TCERG1L: variants seen among roughly 807,000 people sequenced by gnomAD.
TCERG1L encodes the protein transcription elongation regulator 1 like.
A neutral mutation model predicts 56.3 loss-of-function variants in TCERG1L; 37 were observed. The observed-to-expected ratio is 0.66, with a 90% CI of 0.51 to 0.87. The LOEUF (loss-of-function observed/expected upper bound fraction) is 0.87, where lower values mean the gene tolerates loss of function less well. Among genes scored for constraint, TCERG1L ranks in the 40% least tolerant of loss-of-function variants. TCERG1L has a pLI of 0.00. For missense variants in TCERG1L, 799 were observed against 774.2 expected (o/e 1.03, Z -0.38); for synonymous variants, 324 against 326.3 (o/e 0.99, Z 0.08).
chr10:131,140,675 C>T (rs1022631620), intron 7 of TCERG1L, among the ~76,000 whole-genome samples: 1 of 152,228 alleles, frequency 6.6e-6, no homozygotes. Context: ...CAGAGAGCAC[C>T]TTGCAGGGAC....
intron 4 of TCERG1L, among the ~76,000 whole-genome samples, chr10:131,242,277 G>A (rs190968093): frequency 6.6e-6 from 1 of 152,300 alleles, no homozygotes; most frequent in East Asian, 1.9e-4. Flanking sequence ...TGGATGCTGT[G>A]AGGAGTGAGG....
At chr10:131,210,616 T>C (rs575915444) in intron 4 of TCERG1L, among the ~76,000 whole-genome samples, 2 of 152,312 alleles carry the variant, frequency 1.3e-5, no homozygotes, top group South Asian at 4.2e-4. Flanking sequence ...CTCTTAGGCA[T>C]TGCGGGAACA....
chr10:131,199,682 C>A (rs895958250), intron 4 of TCERG1L, among the ~76,000 whole-genome samples: 1 of 152,194 alleles, frequency 6.6e-6, no homozygotes, highest in Non-Finnish European at 1.5e-5. Flanking sequence ...AAGCCACCTG[C>A]TCTGTGGGGT....
chr10:131,136,228 C>A (rs887904671), intron 7 of TCERG1L, among the ~76,000 whole-genome samples: 1 of 152,326 alleles, frequency 6.6e-6, no homozygotes, highest in East Asian at 1.9e-4. Context: ...CTGCCTTCTG[C>A]GCGTGCTCCA....
At chr10:131,199,506 A>G (rs35626101) in intron 4 of TCERG1L, among the ~76,000 whole-genome samples, 4,287 of 152,254 alleles carry the variant, frequency 0.028, 64 homozygotes, top group Non-Finnish European at 0.038. Flanking sequence ...CCACATTATA[A>G]CAAGGGTACC....
intron 6 of TCERG1L, among the ~76,000 whole-genome samples, chr10:131,150,959 CTT>C (rs1292400234): frequency 6.6e-6 from 1 of 152,198 alleles, no homozygotes; most frequent in Non-Finnish European, 1.5e-5. Context: ...GTGCCAGACT[CTT>C]ATAAAACCAT....
At chr10:131,209,902 A>T (rs1050534008) in intron 4 of TCERG1L, among the ~76,000 whole-genome samples, 5 of 152,210 alleles carry the variant, frequency 3.3e-5, no homozygotes, top group Non-Finnish European at 7.3e-5. Flanking sequence ...TCTTGATGTG[A>T]CACCCAAAAT....
At chr10:131,149,076 G>A (rs1296831236) in intron 6 of TCERG1L, among the ~76,000 whole-genome samples, 2 of 152,250 alleles carry the variant, frequency 1.3e-5, no homozygotes, top group African/African-American at 4.8e-5. Context: ...AGGTGACCCT[G>A]AGAAGGTCGC....
At chr10:131,108,910 C>T (rs1288877014) in intron 9 of TCERG1L, among the ~76,000 whole-genome samples, 1 of 152,228 alleles carries the variant, frequency 6.6e-6, no homozygotes, top group South Asian at 2.1e-4. Flanking sequence ...GGTCCTTGCC[C>T]CAGGGCCCCC....
Position 131,311,430 on chromosome 10 carries a change from G to T in TCERG1L, c.206C>A (p.Pro69His). The change falls in exon 1 of 12, where the codon CCC becomes CAC. Residue 69 changes from proline (P) to histidine (H), a missense_variant. Pro to His is a moderately conservative substitution (Grantham distance 77). Coordinates refer to ENST00000368642, the MANE Select transcript of TCERG1L (RefSeq NM_174937.4). The surrounding 1 kb of genome is among the most constrained non-coding windows in gnomAD (Gnocchi z 4.0). ...PPVLLASAPP[P>H]AAPLLPGLPG... ...GAGACCGGGGAGCAGCGGGGCCGCG[G>T]GCGGCGGGGCCGAGGCGAGCAGCAC... 8.5e-7 allele frequency: 1 copy of T among 1,177,672 alleles called. No individual in the cohort carries two copies. Among genetic ancestry groups the T allele is most frequent in the Non-Finnish European group, 1.0e-6 (1 of 954,734 alleles). The allele number at this position is 1,177,672 out of a possible 1,614,324, so 73.0% of individuals were successfully genotyped here.
intron 4 of TCERG1L, among the ~76,000 whole-genome samples, chr10:131,199,624 A>G (rs1845405528): frequency 6.6e-6 from 1 of 152,232 alleles, no homozygotes; most frequent in South Asian, 2.1e-4. Flanking sequence ...CATTAAAACT[A>G]TGACAGCAGT....
In TCERG1L at chr10:131,219,351, G is replaced by A. The variant is rs752900857; in HGVS notation, c.856+40908C>T. On this transcript the variant is annotated intron_variant, in intron 4 of 11. Transcript: ENST00000368642. ...CTCTTACTCAGCTGTCACTCCCCAG[G>A]AGGGGCTGACCCCTGGCTGGCCGAC... Among the ~76,000 whole-genome samples the A allele has an allele frequency of 1.6e-4, 24 of 152,206 alleles. 1 individual carries two copies. The highest frequency in any genetic ancestry group is 5.9e-5 in the Non-Finnish European group (4 of 68,024).
chr10:131,257,224 G>C (rs1201269778), intron 4 of TCERG1L, among the ~76,000 whole-genome samples: 2 of 152,222 alleles, frequency 1.3e-5, no homozygotes, highest in East Asian at 3.9e-4. Context: ...GAGACCCACT[G>C]CCTGGGAGGG....
intron 9 of TCERG1L, among the ~76,000 whole-genome samples, chr10:131,109,558 C>T (rs11017727): frequency 0.074 from 11,199 of 152,228 alleles, 432 homozygotes; most frequent in South Asian, 0.1. Context: ...TCTGTCCCCC[C>T]GGCTGGAGTG....
intron 4 of TCERG1L, among the ~76,000 whole-genome samples, chr10:131,238,919 C>T (rs1188220061): frequency 1.3e-5 from 2 of 152,230 alleles, no homozygotes; most frequent in African/African-American, 4.8e-5. Flanking sequence ...CTGGTCCATG[C>T]CAACGTCCCC....
intron 6 of TCERG1L, among the ~76,000 whole-genome samples, chr10:131,159,631 G>A (rs1845956343): frequency 6.6e-6 from 1 of 152,160 alleles, no homozygotes; most frequent in South Asian, 2.1e-4. Context: ...ATCTCTATAA[G>A]CGAGACGGAA....
At chr10:131,302,811 T>C (rs1302647547) in intron 3 of TCERG1L, among the ~76,000 whole-genome samples, 3 of 151,916 alleles carry the variant, frequency 2.0e-5, no homozygotes, top group Non-Finnish European at 1.5e-5. Flanking sequence ...TGGTGTGTGA[T>C]GTTCCCCTCC....
intron 8 of TCERG1L, among the ~76,000 whole-genome samples, chr10:131,129,476 G>C (rs1460202430): frequency 6.6e-6 from 1 of 152,218 alleles, no homozygotes; most frequent in South Asian, 2.1e-4. Context: ...GCGTGGAGGC[G>C]AACTGTGTTA....
At chr10:131,162,427 T>C (rs2918150) in intron 6 of TCERG1L, 103,169 of 152,142 alleles carry the variant, frequency 0.68, 36,026 homozygotes, top group African/African-American at 0.85. Context: ...TCAGCAGGGA[T>C]GTGCTCACTC....
Sources: gnomAD v4.1 joint callset for allele counts (sites outside exome capture counted in the v4.1 genomes callset) on GRCh38, gnomAD v4.1.1 for gene constraint, Gnocchi (gnomAD v3.1) non-coding constraint, MANE v1.5 for transcripts, NCBI Gene and HGNC (gene_info 2026-07-23, HGNC 2026-07-21) for gene names.